SEPTIN7: variants seen among roughly 807,000 people sequenced by gnomAD.
The protein encoded by SEPTIN7 is septin 7.
SEPTIN7 carries 10 observed loss-of-function variants against 63.3 expected under a neutral mutation model. The ratio of observed to expected loss-of-function variants is 0.16; its 90% CI spans 0.10 to 0.27. SEPTIN7 has a LOEUF of 0.27. Ranked by LOEUF, SEPTIN7 falls within the 10% of genes least tolerant of loss-of-function variation. The pLI is 1.00. For missense variants in SEPTIN7, 310 were observed against 521.0 expected (o/e 0.59, Z 3.94); for synonymous variants, 131 against 165.3 (o/e 0.79, Z 1.59).
Position 35,804,575 on chromosome 7 carries a change from G to T in SEPTIN7, c.61+3305G>T, listed in dbSNP as rs1217012241. ...ATGGGCTTTGATGTTAGATATGGAT[G>T]CAAATCTTGGCTTTGCTACTCAATA... On this transcript the variant is annotated intron_variant, in intron 1 of 13. Transcript: ENST00000350320. Among the ~76,000 whole-genome samples the T allele has an allele frequency of 1.1e-4, 17 of 152,298 alleles. No homozygotes were observed. In the East Asian group the frequency reaches 3.3e-3, roughly 29 times the overall value.
chr7:35,875,628 A>G (rs907234638), intron 6 of SEPTIN7, among the ~76,000 whole-genome samples: 3 of 152,000 alleles, frequency 2.0e-5, no homozygotes, highest in Non-Finnish European at 4.4e-5. Flanking sequence ...TGCATTGTTC[A>G]GTATTTTGTA....
Position 35,873,710 on chromosome 7 carries a change from C to T in SEPTIN7, c.447C>T (p.Asn149=). 1.2e-6 allele frequency: 2 copies of T among 1,610,828 alleles called. No individual in the cohort carries two copies. Among genetic ancestry groups the T allele is most frequent in the East Asian group, 2.2e-5 (1 of 44,844 alleles). The part of the protein sequence containing the change: ...EDYLNAESRV[N]RRQMPDNRVQ... Reference sequence around the variant, plus strand: ...ACCTAAATGCAGAATCACGAGTGAACAGACGTCAGATGCCTGATAACAGGG... The same window carrying T: ...ACCTAAATGCAGAATCACGAGTGAATAGACGTCAGATGCCTGATAACAGGG... Residue 149 remains asparagine, a synonymous_variant, in exon 6 of 14, where the codon AAC becomes AAT. Transcript: ENST00000350320.
chr7:35,801,034 C>A (rs1258068680), upstream of SEPTIN7: 3 of 468,554 alleles, frequency 6.4e-6, no homozygotes. Flanking sequence ...TCTGAGGGGG[C>A]GGGGGACGGA....
At chr7:35,857,106 G>A (rs1785252239) in intron 3 of SEPTIN7, among the ~76,000 whole-genome samples, 1 of 152,000 alleles carries the variant, frequency 6.6e-6, no homozygotes, top group African/African-American at 2.4e-5. Context: ...AATATTGGGG[G>A]GGCAAAATTG....
intron 7 of SEPTIN7, among the ~76,000 whole-genome samples, chr7:35,880,676 T>A (rs1219943980): frequency 1.3e-5 from 2 of 152,116 alleles, no homozygotes; most frequent in Admixed American, 1.3e-4. Context: ...TTATTTTTGT[T>A]TTCAGTGCAC....
intron 1 of SEPTIN7, among the ~76,000 whole-genome samples, chr7:35,821,326 T>C (rs1457229280): frequency 1.3e-5 from 2 of 152,220 alleles, no homozygotes; most frequent in Non-Finnish European, 2.9e-5. Context: ...AAGCAGAATT[T>C]TCTGAAGTAT....
At chr7:35,912,496 G>C in the SEPTIN7 span, among the ~76,000 whole-genome samples, 1 of 152,194 alleles carries the variant, frequency 6.6e-6, no homozygotes, top group Non-Finnish European at 1.5e-5. Context: ...GTAAATCTCT[G>C]TTCGGGGCTC....
downstream of SEPTIN7, among the ~76,000 whole-genome samples, chr7:35,907,266 C>T (rs4623304): frequency 6.6e-6 from 1 of 152,126 alleles, no homozygotes; most frequent in Non-Finnish European, 1.5e-5. Flanking sequence ...ACCAGTAAAT[C>T]GAAGTCCTTT....
rs1141950 is a variant in SEPTIN7 at position 35,904,977 on chromosome 7, T to C, written c.*684T>C. The C allele has an allele frequency of 6.6e-6, 1 of 152,626 alleles. No homozygotes were observed. The highest frequency in any genetic ancestry group is 1.5e-5 in the Non-Finnish European group (1 of 68,036). 9.5% of individuals were successfully genotyped at this position (152,626 alleles called of 1,614,324 possible). On this transcript the variant is annotated 3_prime_UTR_variant, in exon 14 of 14. Transcript: ENST00000350320. ...GTAATAACATTTAATTTAGATATTT[T>C]CCATATATTGGCACTGCTAAAATAG...
At chr7:35,821,967 C>T (rs1209627886) in intron 1 of SEPTIN7, among the ~76,000 whole-genome samples, 1 of 152,166 alleles carries the variant, frequency 6.6e-6, no homozygotes, top group Non-Finnish European at 1.5e-5. Flanking sequence ...GACGGGGTTT[C>T]ACTATGTTGG....
chr7:35,898,246 A>G lies in SEPTIN7; in HGVS notation c.999-2A>G. ...AATGATTACCCTTAATATTCGTGACAGGAGCCCTCTGGCACAAATGGAAGA... is the reference window on the plus strand; with the variant it reads ...AATGATTACCCTTAATATTCGTGACGGGAGCCCTCTGGCACAAATGGAAGA... On this transcript the variant is annotated splice_acceptor_variant, in intron 11 of 13. Transcript: ENST00000350320. LOFTEE classifies it high-confidence loss of function. 1 of 1,537,884 alleles carries G rather than the reference A, an allele frequency of 6.5e-7. No homozygotes were observed. Among genetic ancestry groups the G allele is most frequent in the Non-Finnish European group, 8.8e-7 (1 of 1,139,080 alleles).
chr7:35,806,148 G>A (rs1788327838), intron 1 of SEPTIN7, among the ~76,000 whole-genome samples: 1 of 152,234 alleles, frequency 6.6e-6, no homozygotes, highest in Non-Finnish European at 1.5e-5. Context: ...TGCACTAGGT[G>A]ATGGAGAGCC....
intron 1 of SEPTIN7, among the ~76,000 whole-genome samples, chr7:35,810,686 G>A (rs1788644094): frequency 2.0e-5 from 3 of 151,962 alleles, no homozygotes; most frequent in African/African-American, 7.3e-5. Flanking sequence ...TCAGACTCAG[G>A]GTTATGCTAG....
intron 4 of SEPTIN7, among the ~76,000 whole-genome samples, chr7:35,867,690 A>C (rs145321989): frequency 4.9e-4 from 75 of 152,316 alleles, no homozygotes; most frequent in African/African-American, 1.8e-3. Context: ...TGTCACTGAA[A>C]GGGTATCATC....
downstream of SEPTIN7, among the ~76,000 whole-genome samples, chr7:35,911,801 C>A (rs1284266778): frequency 6.6e-6 from 1 of 152,194 alleles, no homozygotes; most frequent in East Asian, 1.9e-4. Flanking sequence ...AAAAAAGCAT[C>A]TAGAAAGACA....
At chr7:35,867,707 T>G (rs1232351480) in intron 4 of SEPTIN7, among the ~76,000 whole-genome samples, 1 of 152,226 alleles carries the variant, frequency 6.6e-6, no homozygotes, top group Non-Finnish European at 1.5e-5. Flanking sequence ...CATCTGTCTT[T>G]TCTTGGGAAG....
intron 3 of SEPTIN7, among the ~76,000 whole-genome samples, chr7:35,842,378 A>G (rs1784452007): frequency 6.6e-6 from 1 of 151,646 alleles, no homozygotes; most frequent in Non-Finnish European, 1.5e-5. Flanking sequence ...TTTAAGTAAT[A>G]ATTTTCATGT....
At chr7:35,880,023 A>G (rs1370101331) in intron 7 of SEPTIN7, 83 bp downstream of exon 7, 6 of 737,360 alleles carry the variant, frequency 8.1e-6, no homozygotes, top group South Asian at 1.5e-5. Flanking sequence ...ATGTGTTGCA[A>G]TCCATTCCTC....
intron 4 of SEPTIN7, among the ~76,000 whole-genome samples, chr7:35,865,696 TTAAC>T (rs1382600730): frequency 1.3e-5 from 2 of 152,204 alleles, no homozygotes; most frequent in African/African-American, 4.8e-5. Context: ...TTTGTACTCA[TTAAC>T]TGTTATTTCA....
Sources: gnomAD v4.1 joint callset for allele counts (sites outside exome capture counted in the v4.1 genomes callset) on GRCh38, gnomAD v4.1.1 for gene constraint, MANE v1.5 for transcripts, NCBI Gene and HGNC (gene_info 2026-07-23, HGNC 2026-07-21) for gene names.